INTS4: variants seen among roughly 807,000 people sequenced by gnomAD.
INTS4 encodes the protein integrator complex subunit 4, also known as MSTP093.
In INTS4, 70 loss-of-function variants were observed where a neutral mutation model predicts 119.5. The observed-to-expected ratio is 0.59, with a 90% CI of 0.48 to 0.71. The LOEUF is 0.71. Ranked by LOEUF, INTS4 falls within the 30% of genes least tolerant of loss-of-function variation. INTS4 has a pLI of 0.00. For missense variants in INTS4, 867 were observed against 1,173.2 expected, an observed-to-expected ratio of 0.74 and a Z score of 3.81; for synonymous variants, 316 against 419.6, an observed-to-expected ratio of 0.75 and a Z score of 3.02.
intron 10 of INTS4, among the ~76,000 whole-genome samples, chr11:77,937,186 AAAAG>A (rs1434613418): frequency 1.3e-5 from 2 of 152,096 alleles, no homozygotes; most frequent in East Asian, 3.9e-4. Flanking sequence ...CCCCGAAAAA[AAAAG>A]AGAGAGAAAG....
intron 19 of INTS4, among the ~76,000 whole-genome samples, chr11:77,893,749 C>T (rs1952380306): frequency 1.3e-5 from 2 of 151,934 alleles, no homozygotes; most frequent in African/African-American, 2.4e-5. Flanking sequence ...AAAAATTAGC[C>T]AGGTGTGGTG....
chr11:77,955,485 A>G (rs1472320211), intron 8 of INTS4, among the ~76,000 whole-genome samples: 3 of 151,610 alleles, frequency 2.0e-5, no homozygotes, highest in African/African-American at 7.3e-5. Flanking sequence ...GCTCACATCT[A>G]TAATCCCAGC....
chr11:77,926,655 AT>A (rs1202173509), intron 11 of INTS4, among the ~76,000 whole-genome samples: 22 of 151,404 alleles, frequency 1.5e-4, no homozygotes, highest in South Asian at 8.4e-4. Flanking sequence ...AAAAAAAAAA[AT>A]ATATACAAAA....
At chr11:77,889,135 T>C (rs59629019) in intron 21 of INTS4, among the ~76,000 whole-genome samples, 3,148 of 152,260 alleles carry the variant, frequency 0.021, 97 homozygotes, top group African/African-American at 0.071. Context: ...CATATGTTTA[T>C]TGCGGCACCA....
intron 3 of INTS4, among the ~76,000 whole-genome samples, chr11:77,979,474 T>C (rs553783312): frequency 6.7e-6 from 1 of 150,174 alleles, no homozygotes; most frequent in South Asian, 2.1e-4. Flanking sequence ...GACCCAGTCC[T>C]AAAAAAACAG....
chr11:77,918,488 G>C (rs1255983697), intron 15 of INTS4: 2 of 258,958 alleles, frequency 7.7e-6, no homozygotes, highest in Non-Finnish European at 1.5e-5. Context: ...TCCTGCCTAT[G>C]AGAAAGAATT....
intron 8 of INTS4, among the ~76,000 whole-genome samples, chr11:77,954,987 T>C (rs1322732710): frequency 6.6e-6 from 1 of 152,254 alleles, no homozygotes; most frequent in African/African-American, 2.4e-5. Flanking sequence ...GTTTTAAGAT[T>C]CTTTCTAGTT....
At chr11:77,899,373 T>C (rs891285664) in intron 18 of INTS4, among the ~76,000 whole-genome samples, 4 of 151,862 alleles carry the variant, frequency 2.6e-5, no homozygotes, top group East Asian at 1.9e-4. Flanking sequence ...CAGGAATGCA[T>C]ACAAATGAAA....
At chr11:77,937,737 C>T in intron 10 of INTS4, among the ~76,000 whole-genome samples, 1 of 151,906 alleles carries the variant, frequency 6.6e-6, no homozygotes. Context: ...GAGTGAGACC[C>T]TGTCTCAAAA....
chr11:77,907,801 T>C lies in INTS4; in HGVS notation c.1932A>G (p.Gln644=), dbSNP rs147546496. ...ELLEFTIRDL[Q]RLGELQSELA... ...ATTCAGATTGAAGTTCTCCAAGTCT[T>C]TGCAGATCCCTATAGTAAATAAAAC... The change falls in exon 16 of 23, where the codon CAA becomes CAG. Residue 644 remains glutamine (Q), a synonymous_variant. Transcript: ENST00000534064. 2,140 of 1,611,098 alleles carry C rather than the reference T, an allele frequency of 1.3e-3. 2 individuals are homozygous for C. Among genetic ancestry groups the C allele is most frequent in the South Asian group, 2.4e-3 (217 of 90,958 alleles).
intron 15 of INTS4, among the ~76,000 whole-genome samples, chr11:77,913,888 A>C (rs1396296455): frequency 6.6e-6 from 1 of 152,082 alleles, no homozygotes; most frequent in Admixed American, 6.6e-5. Context: ...TCTGTATGAA[A>C]GGCTAACATT....
At chr11:77,955,296 T>G (rs1954290861) in intron 8 of INTS4, among the ~76,000 whole-genome samples, 1 of 152,166 alleles carries the variant, frequency 6.6e-6, no homozygotes, top group African/African-American at 2.4e-5. Flanking sequence ...GTGACTGCAC[T>G]ATTGCACTCC....
intron 8 of INTS4, among the ~76,000 whole-genome samples, chr11:77,948,988 A>G (rs1954119810): frequency 6.6e-6 from 1 of 152,202 alleles, no homozygotes; most frequent in South Asian, 2.1e-4. Flanking sequence ...TCTGGTTTTT[A>G]GTTTTTTTTA....
At chr11:77,944,219 T>C (rs1790248) in intron 8 of INTS4, among the ~76,000 whole-genome samples, 88,197 of 151,848 alleles carry the variant, frequency 0.58, 25,834 homozygotes, top group African/African-American at 0.61. Context: ...CTATTCACTT[T>C]TTAAGCAAGA....
chr11:77,979,634 T>C (rs1856117357), intron 3 of INTS4, among the ~76,000 whole-genome samples: 2 of 150,130 alleles, frequency 1.3e-5, no homozygotes, highest in African/African-American at 4.9e-5. Context: ...GCTCCAAAAA[T>C]GTTTAGTGCT....
intron 10 of INTS4, among the ~76,000 whole-genome samples, chr11:77,933,356 G>A (rs1215552648): frequency 6.6e-6 from 1 of 151,242 alleles, no homozygotes; most frequent in Non-Finnish European, 1.5e-5. Context: ...CCGAGTGCCT[G>A]GGATTGCAGG....
intron 3 of INTS4, 29 bp downstream of exon 3, chr11:77,981,430 G>A: frequency 6.2e-6 from 7 of 1,123,342 alleles, no homozygotes; most frequent in South Asian, 3.4e-5. Context: ...TTTCTGCTCT[G>A]ACTATAGAGC....
intron 3 of INTS4, among the ~76,000 whole-genome samples, chr11:77,979,331 T>A (rs1043290971): frequency 1.3e-5 from 2 of 151,646 alleles, no homozygotes; most frequent in East Asian, 1.9e-4. Flanking sequence ...AAAAAATGAG[T>A]CAGCCAGGTG....
chr11:77,947,261 T>C (rs555963131), intron 8 of INTS4, among the ~76,000 whole-genome samples: 1 of 152,224 alleles, frequency 6.6e-6, no homozygotes, highest in Non-Finnish European at 1.5e-5. Flanking sequence ...AGCTGAAAAC[T>C]TGCCAAGTAG....
Sources: gnomAD v4.1 joint callset for allele counts (sites outside exome capture counted in the v4.1 genomes callset) on GRCh38, gnomAD v4.1.1 for gene constraint, MANE v1.5 for transcripts, NCBI Gene and HGNC (gene_info 2026-07-23, HGNC 2026-07-21) for gene names.